The following PPARGC1B variants were observed in gnomAD, a reference collection of about 807,000 sequenced individuals.
PPARGC1B encodes peroxisome proliferator-activated receptor gamma coactivator 1-beta.
PPARGC1B carries 34 observed loss-of-function variants against 101.6 expected under a neutral mutation model. That is an observed-to-expected ratio of 0.33 (90% confidence interval 0.25 to 0.45). The LOEUF (loss-of-function observed/expected upper bound fraction) is 0.45, where lower values mean the gene tolerates loss of function less well. PPARGC1B is among the 20% of genes least tolerant of loss of function. The pLI, the probability that PPARGC1B is intolerant of heterozygous loss-of-function variation, is 1.00. For missense variants in PPARGC1B, 1,234 were observed against 1,317.6 expected (o/e 0.94, Z 0.98); for synonymous variants, 548 against 539.3 (o/e 1.02, Z -0.22).
chr5:149,780,448 T>C (rs894743102), intron 1 of PPARGC1B, among the ~76,000 whole-genome samples: 1 of 152,126 alleles, frequency 6.6e-6, no homozygotes, highest in Non-Finnish European at 1.5e-5. Flanking sequence ...TGAGACAGGG[T>C]CCCTCTCCCT....
At chr5:149,830,915 A>AACAGACACCT in intron 4 of PPARGC1B, 32 bp downstream of exon 4, 1 of 1,474,744 alleles carries the variant, frequency 6.8e-7, no homozygotes, top group Non-Finnish European at 9.5e-7. Flanking sequence ...AATCTACCCC[A>AACAGACACCT]GGTGTCTGTT....
chr5:149,839,820 G>A (rs748403690), intron 8 of PPARGC1B, among the ~76,000 whole-genome samples: 39 of 152,198 alleles, frequency 2.6e-4, no homozygotes, highest in Non-Finnish European at 4.3e-4. Context: ...GATCCAGTCC[G>A]GAAGCTGGCA....
chr5:149,845,594 C>T, intron 10 of PPARGC1B, 166 bp from the exon 11 acceptor site: 2 of 661,552 alleles, frequency 3.0e-6, no homozygotes, highest in South Asian at 4.3e-5. Context: ...TCATTATTAC[C>T]ACATTGCAGA....
chr5:149,812,473 T>C lies in PPARGC1B; in HGVS notation c.79-7960T>C, dbSNP rs80198252. ...AAGAGAGATGAATAAGTTATCACTTTTTCATTGATGGGTGATAGAAACTCC... is the reference window on the plus strand; with the variant it reads ...AAGAGAGATGAATAAGTTATCACTTCTTCATTGATGGGTGATAGAAACTCC... On this transcript the variant is annotated intron_variant, in intron 1 of 11. Transcript: ENST00000309241. Among the ~76,000 whole-genome samples the C allele has an allele frequency of 2.0e-3, 310 of 152,340 alleles. 10 individuals carry two copies. The East Asian group carries it at 0.05, about 25-fold the overall frequency.
At chr5:149,808,903 G>T (rs577411811) in intron 1 of PPARGC1B, among the ~76,000 whole-genome samples, 2 of 152,238 alleles carry the variant, frequency 1.3e-5, no homozygotes, top group African/African-American at 4.8e-5. Context: ...AGTAATGGGG[G>T]TAGTTCTGGA....
At chr5:149,831,629 G>T (rs1011985607) in intron 4 of PPARGC1B, among the ~76,000 whole-genome samples, 3 of 152,198 alleles carry the variant, frequency 2.0e-5, no homozygotes, top group African/African-American at 7.2e-5. Context: ...TGTTGAAGGG[G>T]CAGCAGCCAC....
intron 2 of PPARGC1B, among the ~76,000 whole-genome samples, chr5:149,824,532 C>T (rs986591749): frequency 2.0e-5 from 3 of 152,180 alleles, no homozygotes; most frequent in Non-Finnish European, 4.4e-5. Flanking sequence ...CTTCCCATTT[C>T]ACAGGGAAAG....
chr5:149,762,387 T>A (rs1755749059), intron 1 of PPARGC1B, among the ~76,000 whole-genome samples: 1 of 152,194 alleles, frequency 6.6e-6, no homozygotes, highest in South Asian at 2.1e-4. Flanking sequence ...CCTCAAGTGA[T>A]CCTCCCCACC....
intron 1 of PPARGC1B, among the ~76,000 whole-genome samples, chr5:149,742,123 C>T (rs1004075142): frequency 6.6e-6 from 1 of 152,212 alleles, no homozygotes; most frequent in Non-Finnish European, 1.5e-5. Flanking sequence ...CACATTTAAT[C>T]TCAGAGGAAC....
intron 1 of PPARGC1B, among the ~76,000 whole-genome samples, chr5:149,732,159 TCA>T (rs1754519041): frequency 6.6e-6 from 1 of 151,974 alleles, no homozygotes; most frequent in Admixed American, 6.5e-5. Context: ...CCGGGCTCCG[TCA>T]CACGCCCCGC....
At chr5:149,835,235 G>T in intron 6 of PPARGC1B, 66 bp from the exon 7 acceptor site, 1 of 1,445,718 alleles carries the variant, frequency 6.9e-7, no homozygotes, top group South Asian at 1.1e-5. Context: ...ACCCTTTCAT[G>T]GGCGGGGAGG....
chr5:149,730,497 G>T lies in PPARGC1B; in HGVS notation c.78+77G>T. On this transcript the variant is annotated intron_variant, in intron 1 of 11. Transcript: ENST00000309241. This position sits in a 1 kb window ranked among gnomAD's most constrained non-coding sequence, Gnocchi z 4.0. ...GGCCGCAGCTGCAGCCGCGGAGGCCGGGAGGCAGCGGTGGGAGCCCTGGGG... is the reference window on the plus strand; with the variant it reads ...GGCCGCAGCTGCAGCCGCGGAGGCCTGGAGGCAGCGGTGGGAGCCCTGGGG... 2 of 1,244,326 alleles carry T rather than the reference G, an allele frequency of 1.6e-6. No individual in the cohort carries two copies. The highest frequency in any genetic ancestry group is 1.5e-5 in the South Asian group (1 of 64,864). 77.1% of individuals were successfully genotyped at this position (1,244,326 alleles called of 1,614,324 possible).
In PPARGC1B at chr5:149,845,876, G is replaced by A. The variant is rs973501314; in HGVS notation, c.2933G>A (p.Gly978Glu). 5.0e-6 allele frequency: 8 copies of A among 1,614,228 alleles called. No individual in the cohort carries two copies. The highest frequency in any genetic ancestry group is 2.7e-5 in the African/African-American group (2 of 75,068). Residue 978 changes from glycine (G) to glutamate (E), a missense_variant, in exon 11 of 12, where the codon GGG (glycine) becomes GAG (glutamate). Physicochemically the swap from Gly to Glu is moderately conservative, Grantham distance 98 (BLOSUM62 -2). Coordinates refer to ENST00000309241, the MANE Select transcript of PPARGC1B (RefSeq NM_133263.4). ...CCCTCCTTCCAGCTGAGCTACGGAG[G>A]GCTCCGGCACTTCTGCTGGCCCAGA... is the stretch of plus-strand genomic sequence containing the variant. ...NEPSFQLSYG[G>E]LRHFCWPRYT...
chr5:149,784,672 G>A (rs6891818), intron 1 of PPARGC1B, among the ~76,000 whole-genome samples: 99,112 of 149,228 alleles, frequency 0.66, 33,937 homozygotes, highest in African/African-American at 0.84. Context: ...GGTTCACACC[G>A]TTCTCCCACC....
chr5:149,792,759 A>AG (rs1757067343), intron 1 of PPARGC1B, among the ~76,000 whole-genome samples: 1 of 152,166 alleles, frequency 6.6e-6, no homozygotes, highest in African/African-American at 2.4e-5. Flanking sequence ...TCATTCATTC[A>AG]TTCATTCATT....
At chr5:149,820,220 G>A (rs1045436068) in intron 1 of PPARGC1B, among the ~76,000 whole-genome samples, 1 of 152,194 alleles carries the variant, frequency 6.6e-6, no homozygotes, top group African/African-American at 2.4e-5. Context: ...AGTGCAGAGG[G>A]GAGAGCAGCA....
intron 1 of PPARGC1B, among the ~76,000 whole-genome samples, chr5:149,767,937 G>A (rs576983246): frequency 1.8e-4 from 28 of 152,126 alleles, no homozygotes; most frequent in Non-Finnish European, 3.5e-4. Flanking sequence ...AATATGTAAT[G>A]AAATAATTAT....
intron 1 of PPARGC1B, among the ~76,000 whole-genome samples, chr5:149,774,965 C>T (rs1033323130): frequency 6.6e-6 from 1 of 152,100 alleles, no homozygotes; most frequent in Non-Finnish European, 1.5e-5. Context: ...AGCATGTCCC[C>T]ACAGCCAGAG....
intron 1 of PPARGC1B, among the ~76,000 whole-genome samples, chr5:149,784,272 C>A (rs1476199200): frequency 6.6e-6 from 1 of 152,058 alleles, no homozygotes; most frequent in African/African-American, 2.4e-5. Context: ...CCAATCCCTC[C>A]TTCCCTTCAT....
Sources: allele counts gnomAD v4.1 joint callset (sites outside exome capture counted in the v4.1 genomes callset), GRCh38; gene constraint gnomAD v4.1.1; non-coding constraint Gnocchi (gnomAD v3.1); transcripts MANE v1.5; gene names NCBI Gene and HGNC (gene_info 2026-07-23, HGNC 2026-07-21).